Variants in TMEM220 observed in about 807,000 individuals in gnomAD.
TMEM220 encodes the protein transmembrane protein 220.
Under a neutral mutation model 21.7 loss-of-function variants are expected in TMEM220, and 21 were observed. The observed-to-expected ratio is 0.97, with a 90% CI of 0.69 to 1.39. The LOEUF is 1.39. TMEM220 is among the 40% of genes most tolerant of loss of function. The pLI, the probability that TMEM220 is intolerant of heterozygous loss-of-function variation, is 0.00. For synonymous variants in TMEM220, 80 were observed against 73.6 expected (o/e 1.09, Z -0.45); for missense variants, 191 against 201.9 (o/e 0.95, Z 0.33).
At chr17:10,729,507 G>A (rs949833924) in intron 1 of TMEM220, among the ~76,000 whole-genome samples, 1 of 152,202 alleles carries the variant, frequency 6.6e-6, no homozygotes, top group African/African-American at 2.4e-5. Flanking sequence ...AGGAGCCAGG[G>A]CCGCTTCTTC....
chr17:10,728,523 C>T (rs1242250526), intron 2 of TMEM220, among the ~76,000 whole-genome samples: 3 of 152,090 alleles, frequency 2.0e-5, no homozygotes, highest in African/African-American at 7.2e-5. Flanking sequence ...GTTGCTCAGG[C>T]TGATCTAGAA....
Position 10,715,506 on chromosome 17 carries a change from T to TA in TMEM220, c.429dup (p.Ile144TyrfsTer2). The TA allele has an allele frequency of 6.2e-7, 1 of 1,604,890 alleles. No homozygotes were observed. The stretch of plus-strand genomic sequence containing the variant: ...CAAGAGGACCGCATTTCCTTGTTAA[T>TA]ATATATGTAGACCCATGAGATAAAT... On this transcript the variant is annotated frameshift_variant, in exon 6 of 6. Coordinates refer to ENST00000341871, the MANE Select transcript of TMEM220 (RefSeq NM_001004313.3). LOFTEE classifies it high-confidence loss of function.
intron 2 of TMEM220, 39 bp downstream of exon 2, chr17:10,728,992 T>C (rs1597536189): frequency 6.2e-7 from 1 of 1,612,586 alleles, no homozygotes; most frequent in Non-Finnish European, 8.5e-7. Flanking sequence ...TCCCCAATTC[T>C]TCCAAACGGA....
At chr17:10,729,645 A>G (rs2075098850) in intron 1 of TMEM220, 135 bp downstream of exon 1, 3 of 701,012 alleles carry the variant, frequency 4.3e-6, no homozygotes, top group Non-Finnish European at 6.1e-6. Context: ...CTCCCCAAGC[A>G]GAAAGCCCAA....
chr17:10,722,977 G>A (rs2075008931), intron 5 of TMEM220, among the ~76,000 whole-genome samples: 1 of 141,784 alleles, frequency 7.1e-6, no homozygotes, highest in Non-Finnish European at 1.5e-5. Flanking sequence ...CCTCGAAGAT[G>A]TGATTTCTTT....
chr17:10,726,360 T>C, intron 2 of TMEM220, 96 bp from the exon 3 acceptor site: 2 of 994,080 alleles, frequency 2.0e-6, no homozygotes, highest in Admixed American at 1.8e-5. Flanking sequence ...ATGAGATCAG[T>C]GGCTGCTGTG....
At position 10,729,072 on chromosome 17, in the gene TMEM220, G is replaced by A. The variant is rs758909299; in HGVS notation, c.73-12C>T. On this transcript the variant is annotated splice_polypyrimidine_tract_variant and intron_variant, in intron 1 of 5. Coordinates refer to ENST00000341871, the MANE Select transcript of TMEM220 (RefSeq NM_001004313.3). Reference sequence around the variant, plus strand: ...TCTGGGTCATTTACCTGGAACGCCAGAATACCAAGGTGTTAGCAGACATCC... The same window carrying A: ...TCTGGGTCATTTACCTGGAACGCCAAAATACCAAGGTGTTAGCAGACATCC... 1.9e-6 allele frequency: 3 copies of A among 1,614,154 alleles called. No homozygotes were observed. Among genetic ancestry groups the A allele is most frequent in the Non-Finnish European group, 2.5e-6 (3 of 1,180,000 alleles).
In TMEM220 at chr17:10,726,272, CA is replaced by C. The variant is rs1555533974; in HGVS notation, c.103-9del. 1 of 1,611,848 alleles carries C rather than the reference CA, an allele frequency of 6.2e-7. No homozygotes were observed. Among genetic ancestry groups the C allele is most frequent in the Non-Finnish European group, 8.5e-7 (1 of 1,178,610 alleles). ...AGGGATTGTGTACACCACCTGTTAG[CA>C]AAAAGGGAGGAAATTACATGAGTTA... On this transcript the variant is annotated splice_polypyrimidine_tract_variant and intron_variant, in intron 2 of 5. Transcript: ENST00000341871.
chr17:10,716,093 G>A, intron 5 of TMEM220: 2 of 797,414 alleles, frequency 2.5e-6, no homozygotes, highest in East Asian at 3.4e-5. Flanking sequence ...TAATCTTGAA[G>A]TGTAATCCAG....
In TMEM220 at chr17:10,714,188, T is replaced by C. The variant is rs1042094070; in HGVS notation, c.*1265A>G. 2.6e-5 allele frequency: 4 copies of C among 152,238 alleles called. No homozygotes were observed. Among genetic ancestry groups the C allele is most frequent in the African/African-American group, 4.8e-5 (2 of 41,468 alleles). The allele number at this position is 152,238 out of a possible 1,614,324, so 9.4% of individuals were successfully genotyped here. A position where few individuals can be genotyped will look rare whatever the true frequency, so the allele number is the denominator to read the frequency against. On this transcript the variant is annotated 3_prime_UTR_variant, in exon 6 of 6. Transcript: ENST00000341871. ...AATATTTTCTGTTCTTTTTCTACCATGTCTTTAAAATCCAGTGTATTTTAC... is the reference window on the plus strand; with the variant it reads ...AATATTTTCTGTTCTTTTTCTACCACGTCTTTAAAATCCAGTGTATTTTAC...
intron 2 of TMEM220, among the ~76,000 whole-genome samples, chr17:10,726,575 A>C (rs776136130): frequency 2.0e-5 from 3 of 152,214 alleles, no homozygotes; most frequent in Non-Finnish European, 4.4e-5. Context: ...CTCCCAAGCA[A>C]CTTTCATGCC....
intron 5 of TMEM220, among the ~76,000 whole-genome samples, chr17:10,722,915 T>A (rs2075008256): frequency 6.6e-6 from 1 of 152,010 alleles, no homozygotes; most frequent in Non-Finnish European, 1.5e-5. Context: ...TTCAAAAGAT[T>A]CCTGTTTTTA....
chr17:10,729,994 CGTCGCTCCGCCCGGG>C lies in TMEM220; in HGVS notation c.-158_-144del. ...GGTGCCTTGGGGACACTGCCGTGGC[CGTCGCTCCGCCCGGG>C]GGCGGGGAGCGAAGGGCGTGGGTGT... On this transcript the variant is annotated 5_prime_UTR_variant, in exon 1 of 6. Transcript: ENST00000341871. 1.8e-6 allele frequency: 2 copies of C among 1,082,760 alleles called. No individual in the cohort carries two copies. The highest frequency in any genetic ancestry group is 7.5e-5 in the East Asian group (2 of 26,574). The allele number at this position is 1,082,760 out of a possible 1,614,324, so 67.1% of individuals were successfully genotyped here. A position where few individuals can be genotyped will look rare whatever the true frequency, so the allele number is the denominator to read the frequency against.
chr17:10,714,056 T>C lies in TMEM220; in HGVS notation c.*1397A>G, dbSNP rs1431214010. 1 of 152,162 alleles carries C rather than the reference T, an allele frequency of 6.6e-6. No individual in the cohort carries two copies. Among genetic ancestry groups the C allele is most frequent in the Admixed American group, 6.6e-5 (1 of 15,262 alleles). 9.4% of individuals were successfully genotyped at this position (152,162 alleles called of 1,614,324 possible). A position where few individuals can be genotyped will look rare whatever the true frequency, so the allele number is the denominator to read the frequency against. On this transcript the variant is annotated 3_prime_UTR_variant, in exon 6 of 6. Transcript: ENST00000341871. ...ACAGGACTGTCCAACAGAAATGCAA[T>C]GTAAGCCACGTAAATAAAAGTAAAC... is the stretch of plus-strand genomic sequence containing the variant.
At chr17:10,711,712 G>A (rs1020207673), downstream of TMEM220, among the ~76,000 whole-genome samples, 15 of 152,228 alleles carry the variant, frequency 9.9e-5, no homozygotes, top group African/African-American at 3.6e-4. Flanking sequence ...AGGACCAAGT[G>A]GCAGTGCAGC....
Position 10,715,348 on chromosome 17 carries a change from A to AAGCT in TMEM220, c.*104_*105insAGCT. ...TTAAAAAGTTATTTGGAGTTTTAAA[A>AAGCT]CTATTAGCCCAAATTACCTGAAATA... is the stretch of plus-strand genomic sequence containing the variant. On this transcript the variant is annotated 3_prime_UTR_variant, in exon 6 of 6. Transcript: ENST00000341871. 1 of 1,099,074 alleles carries AAGCT rather than the reference A, an allele frequency of 9.1e-7. No homozygotes were observed. Among genetic ancestry groups the AAGCT allele is most frequent in the Non-Finnish European group, 1.3e-6 (1 of 778,264 alleles). 68.1% of individuals were successfully genotyped at this position (1,099,074 alleles called of 1,614,324 possible).
downstream of TMEM220, among the ~76,000 whole-genome samples, chr17:10,711,542 G>C (rs921688034): frequency 1.3e-5 from 2 of 152,158 alleles, no homozygotes; most frequent in African/African-American, 4.8e-5. Flanking sequence ...ATGAGCTTTG[G>C]ACAATTTCTG....
At position 10,715,488 on chromosome 17, in the gene TMEM220, A is replaced by G; in HGVS notation, c.448T>C (p.Ser150Pro). The change falls in exon 6 of 6, where the codon TCC becomes CCC. Residue 150 changes from serine to proline, a missense_variant. Physicochemically the swap from Ser to Pro is moderately conservative, Grantham distance 74 (BLOSUM62 -1). Transcript: ENST00000341871. The stretch of plus-strand genomic sequence containing the variant: ...GTCTTGCAGTGAGTTGGCCAAGAGG[A>G]CCGCATTTCCTTGTTAATATATATG... ...VYIYINKEMR[S>P]SWPTHCKTVI 6.3e-7 allele frequency: 1 copy of G among 1,599,998 alleles called. No homozygotes were observed. The highest frequency in any genetic ancestry group is 8.5e-7 in the Non-Finnish European group (1 of 1,177,242).
chr17:10,729,728 G>A, intron 1 of TMEM220, 52 bp downstream of exon 1: 1 of 1,305,394 alleles, frequency 7.7e-7, no homozygotes, highest in Non-Finnish European at 9.8e-7. Flanking sequence ...CGCTAGGCCA[G>A]GGGGCGGAGC....
Sources: gnomAD v4.1 joint callset for allele counts (sites outside exome capture counted in the v4.1 genomes callset) on GRCh38, gnomAD v4.1.1 for gene constraint, MANE v1.5 for transcripts, NCBI Gene and HGNC (gene_info 2026-07-23, HGNC 2026-07-21) for gene names.